SCRG1: variants seen among roughly 807,000 people sequenced by gnomAD.
SCRG1 encodes scrapie-responsive protein 1.
Under a neutral mutation model 7.7 loss-of-function variants are expected in SCRG1, and 3 were observed. The observed-to-expected ratio is 0.39, with a 90% CI of 0.18 to 1.01. The LOEUF is 1.01. Among genes scored for constraint, SCRG1 ranks in the 50% least tolerant of loss-of-function variants. SCRG1 has a pLI of 0.36. For synonymous variants in SCRG1, 46 were observed against 41.2 expected (o/e 1.12, Z -0.44); for missense variants, 110 against 117.2 (o/e 0.94, Z 0.28).
chr4:173,424,923 T>TAAAATAAAATAAAATAAAAC, the SCRG1 span, among the ~76,000 whole-genome samples: 1 of 151,074 alleles, frequency 6.6e-6, no homozygotes, highest in Non-Finnish European at 1.5e-5. Context: ...TAAAATAAAA[T>TAAAATAAAATAAAATAAAAC]AAAACAAAAC....
chr4:173,516,418 T>C, the SCRG1 span, among the ~76,000 whole-genome samples: 1 of 152,204 alleles, frequency 6.6e-6, no homozygotes, highest in African/African-American at 2.4e-5. Flanking sequence ...GAGCAATGAT[T>C]ATTTTCCTCC....
the SCRG1 span, among the ~76,000 whole-genome samples, chr4:173,443,227 AG>A: frequency 6.6e-6 from 1 of 152,202 alleles, no homozygotes; most frequent in African/African-American, 2.4e-5. Flanking sequence ...TGGAAAGGAG[AG>A]AAAAATATCA....
At chr4:173,469,181 T>C in the SCRG1 span, 1 of 152,122 alleles carries the variant, frequency 6.6e-6, no homozygotes, top group South Asian at 2.1e-4. Flanking sequence ...CCATGAAAAA[T>C]AAATTAGTTC....
the SCRG1 span, among the ~76,000 whole-genome samples, chr4:173,424,005 C>G: frequency 2.6e-5 from 4 of 152,198 alleles, no homozygotes. Context: ...ACTCCCCCAA[C>G]AACAGCATAA....
the SCRG1 span, among the ~76,000 whole-genome samples, chr4:173,494,203 C>A: frequency 6.6e-6 from 1 of 152,152 alleles, no homozygotes; most frequent in Non-Finnish European, 1.5e-5. Context: ...TGCCCACCGG[C>A]CCCACAGTTC....
the SCRG1 span, among the ~76,000 whole-genome samples, chr4:173,518,147 C>G: frequency 6.6e-6 from 1 of 152,092 alleles, no homozygotes; most frequent in Non-Finnish European, 1.5e-5. Context: ...GTTTTTTTCG[C>G]CCGCAGGAAC....
At chr4:173,431,849 C>A in the SCRG1 span, among the ~76,000 whole-genome samples, 15 of 152,294 alleles carry the variant, frequency 9.8e-5, no homozygotes, top group Non-Finnish European at 1.0e-4. Flanking sequence ...TAATACATCA[C>A]CATGCAAGGA....
chr4:173,502,227 T>C, the SCRG1 span, among the ~76,000 whole-genome samples: 2 of 103,190 alleles, frequency 1.9e-5, no homozygotes, highest in South Asian at 3.4e-4. The surrounding 1 kb of genome is among the most constrained non-coding windows in gnomAD (Gnocchi z 4.6). Flanking sequence ...CGGGGAGGGG[T>C]GGGGAAACAG....
the SCRG1 span, chr4:173,469,466 G>A: frequency 2.0e-5 from 3 of 152,026 alleles, no homozygotes; most frequent in Non-Finnish European, 4.4e-5. Flanking sequence ...AATGATATAT[G>A]CTATTTAAAA....
the SCRG1 span, among the ~76,000 whole-genome samples, chr4:173,428,429 A>C: frequency 6.6e-6 from 1 of 152,186 alleles, no homozygotes; most frequent in African/African-American, 2.4e-5. Context: ...TTTGAAGAGA[A>C]ATTCTCACTG....
At chr4:173,416,911 AACACACACACACACACACACACACAC>A in the SCRG1 span, among the ~76,000 whole-genome samples, 1 of 125,150 alleles carries the variant, frequency 8.0e-6, no homozygotes, top group African/African-American at 3.3e-5. Flanking sequence ...CACACACCCA[AACACACACACACACACACACACACAC>A]ACACACACAC....
At chr4:173,496,970 G>C in the SCRG1 span, among the ~76,000 whole-genome samples, 38 of 152,202 alleles carry the variant, frequency 2.5e-4, no homozygotes, top group Middle Eastern at 0.017. Context: ...GCCAGGTGTG[G>C]TGGTGGGCGC....
chr4:173,468,431 C>A, the SCRG1 span: 9 of 152,144 alleles, frequency 5.9e-5, no homozygotes, highest in Admixed American at 1.3e-4. Context: ...TGACAGATTT[C>A]TTGGAACATA....
chr4:173,495,079 G>A, the SCRG1 span, among the ~76,000 whole-genome samples: 10 of 152,308 alleles, frequency 6.6e-5, no homozygotes, highest in African/African-American at 2.4e-4. Flanking sequence ...GGGAAAACAG[G>A]GCCTTCGGTA....
the SCRG1 span, among the ~76,000 whole-genome samples, chr4:173,493,011 G>C: frequency 1.2e-4 from 19 of 152,240 alleles, no homozygotes; most frequent in African/African-American, 4.6e-4. Context: ...GGGTGCCCCA[G>C]TACACATGCT....
At chr4:173,426,225 C>T in the SCRG1 span, among the ~76,000 whole-genome samples, 1 of 152,218 alleles carries the variant, frequency 6.6e-6, no homozygotes, top group Non-Finnish European at 1.5e-5. Context: ...GTCTGTACTA[C>T]ATCTGTAGAA....
the SCRG1 span, among the ~76,000 whole-genome samples, chr4:173,474,682 C>T: frequency 6.6e-6 from 1 of 152,276 alleles, no homozygotes; most frequent in African/African-American, 2.4e-5. Context: ...AAGTCATAGT[C>T]AGAGACATCC....
At chr4:173,465,001 C>T in the SCRG1 span, among the ~76,000 whole-genome samples, 4 of 152,108 alleles carry the variant, frequency 2.6e-5, no homozygotes, top group African/African-American at 9.7e-5. Flanking sequence ...AAAATGAAAA[C>T]ATTGTACAAT....
chr4:173,407,630 G>A (rs1435893268), upstream of SCRG1, among the ~76,000 whole-genome samples: 3 of 152,146 alleles, frequency 2.0e-5, no homozygotes, highest in African/African-American at 7.2e-5. Flanking sequence ...TATTTTTCAG[G>A]TCAATTAAAA....
Sources: allele counts gnomAD v4.1 joint callset (sites outside exome capture counted in the v4.1 genomes callset), GRCh38; gene constraint gnomAD v4.1.1; non-coding constraint Gnocchi (gnomAD v3.1); transcripts MANE v1.5; gene names NCBI Gene and HGNC (gene_info 2026-07-23, HGNC 2026-07-21).